TCIRG1: variants seen among roughly 807,000 people sequenced by gnomAD.
TCIRG1 encodes the protein T cell immune regulator 1, ATPase H+ transporting V0 subunit a3.
Under a neutral mutation model 95.5 loss-of-function variants are expected in TCIRG1, and 86 were observed. The ratio of observed to expected loss-of-function variants is 0.90; its 90% CI spans 0.76 to 1.08. The LOEUF is 1.08. Among genes scored for constraint, TCIRG1 ranks in the 50% least tolerant of loss-of-function variants. TCIRG1 has a pLI of 0.00. For missense variants in TCIRG1, 1,069 were observed against 1,140.2 expected, an observed-to-expected ratio of 0.94 and a Z score of 0.90; for synonymous variants, 499 against 501.3, an observed-to-expected ratio of 1.00 and a Z score of 0.06.
At position 68,050,809 on chromosome 11, in the gene TCIRG1, C is replaced by T. The variant is rs780073935; in HGVS notation, c.2483C>T (p.Thr828Ile). ...CTGAGTCCCTTCACCTTCGCTGCCA[C>T]AGATGACTAGGGCCCACTGCAGGTC... The part of the protein sequence containing the change: ...YKLSPFTFAA[T>I]DD Residue 828 changes from threonine to isoleucine, a missense_variant, in exon 20 of 20, where the codon ACA becomes ATA. Coordinates refer to ENST00000265686, the MANE Select transcript of TCIRG1 (RefSeq NM_006019.4). The T allele has an allele frequency of 1.2e-6, 2 of 1,613,520 alleles. No individual in the cohort carries two copies. Among genetic ancestry groups the T allele is most frequent in the Admixed American group, 1.7e-5 (1 of 60,032 alleles).
At chr11:68,053,627 A>G (rs1225058816), downstream of TCIRG1, 1 of 223,898 alleles carries the variant, frequency 4.5e-6, no homozygotes, top group Admixed American at 5.5e-5. Flanking sequence ...ATTTAAATCA[A>G]CATTAACCAA....
intron 1 of TCIRG1, among the ~76,000 whole-genome samples, chr11:68,040,298 G>A (rs1039891619): frequency 1.3e-5 from 2 of 152,212 alleles, no homozygotes; most frequent in Non-Finnish European, 2.9e-5. Context: ...CCCTGTGGCC[G>A]GGCCTGGTCC....
intron 13 of TCIRG1, among the ~76,000 whole-genome samples, chr11:68,048,494 A>G (rs1174093338): frequency 1.3e-5 from 2 of 152,066 alleles, no homozygotes; most frequent in African/African-American, 4.8e-5. Flanking sequence ...GGGTTTCACC[A>G]TGTTGGCTAG....
At chr11:68,041,995 G>A (rs1855191696) in intron 3 of TCIRG1, among the ~76,000 whole-genome samples, 164 bp downstream of exon 3, 1 of 152,238 alleles carries the variant, frequency 6.6e-6, no homozygotes, top group South Asian at 2.1e-4. Flanking sequence ...TCTGTGAAGT[G>A]TGCTTGCGAA....
chr11:68,050,739 A>G lies in TCIRG1; in HGVS notation c.2415-2A>G, dbSNP rs1555000376. The G allele has an allele frequency of 1.2e-6, 2 of 1,613,876 alleles. No individual in the cohort carries two copies. The highest frequency in any genetic ancestry group is 1.7e-6 in the Non-Finnish European group (2 of 1,180,018). ...ACCAACCCCTCTGCTTCTCACCCCC[A>G]GGGTGGAATTCCAGAACAAGTTCTA... On this transcript the variant is annotated splice_acceptor_variant, in intron 19 of 19. Transcript: ENST00000265686. LOFTEE classifies it high-confidence loss of function.
At chr11:68,040,692 T>G (rs1855115155) in intron 1 of TCIRG1, among the ~76,000 whole-genome samples, 1 of 152,164 alleles carries the variant, frequency 6.6e-6, no homozygotes, top group South Asian at 2.1e-4. Flanking sequence ...ATTCTGTAGT[T>G]TCACTTTTGT....
At chr11:68,050,275 C>A in intron 18 of TCIRG1, 21 bp downstream of exon 18, 1 of 1,607,054 alleles carries the variant, frequency 6.2e-7, no homozygotes, top group African/African-American at 1.3e-5. Context: ...TGGCCACCGA[C>A]GGCTGGCCCC....
chr11:68,053,414 C>T (rs770521460), downstream of TCIRG1: 152 of 153,288 alleles, frequency 9.9e-4, no homozygotes, highest in Middle Eastern at 0.01. Flanking sequence ...CCAGAGCAAT[C>T]CGCTGCTCCA....
At chr11:68,040,700 T>C (rs1406906567) in intron 1 of TCIRG1, among the ~76,000 whole-genome samples, 3 of 152,214 alleles carry the variant, frequency 2.0e-5, no homozygotes, top group Non-Finnish European at 4.4e-5. Flanking sequence ...GTTTCACTTT[T>C]GTTGGTTTCA....
At position 68,042,679 on chromosome 11, in the gene TCIRG1, T is replaced by C. The variant is rs1293665875; in HGVS notation, c.233T>C (p.Val78Ala). ...LQEEVRRAGL[V>A]LPPPKGRLPA... is the part of the protein sequence containing the mutation. The stretch of plus-strand genomic sequence containing the variant: ...GAGGAGGTGCGGCGGGCTGGGCTGG[T>C]CCTGCCCCCGCCAAAGGGGAGGCTG... Residue 78 changes from valine to alanine, a missense_variant, in exon 4 of 20, where the codon GTC becomes GCC. Val to Ala is a moderately conservative substitution (Grantham distance 64, BLOSUM62 0). Transcript: ENST00000265686. 1 of 1,546,320 alleles carries C rather than the reference T, an allele frequency of 6.5e-7. No homozygotes were observed. Among genetic ancestry groups the C allele is most frequent in the East Asian group, 2.4e-5 (1 of 40,868 alleles).
chr11:68,044,682 C>T (rs569144258), intron 9 of TCIRG1: 1 of 593,980 alleles, frequency 1.7e-6, no homozygotes, highest in African/African-American at 1.9e-5. Context: ...ACCCGCCGCG[C>T]ACAGCAGGTG....
chr11:68,041,979 C>A, intron 3 of TCIRG1, 148 bp downstream of exon 3: 1 of 773,578 alleles, frequency 1.3e-6, no homozygotes, highest in South Asian at 1.5e-5. Context: ...GACAGAGCAG[C>A]TGGGATCTGT....
intron 1 of TCIRG1, 82 bp from the exon 2 acceptor site, chr11:68,041,186 T>A: frequency 3.3e-6 from 3 of 912,450 alleles, no homozygotes. Flanking sequence ...CAGGATTCAG[T>A]GAGTGAAGGT....
chr11:68,041,902 G>A (rs1431326609), intron 3 of TCIRG1, 71 bp downstream of exon 3: 8 of 1,408,300 alleles, frequency 5.7e-6, no homozygotes, highest in Middle Eastern at 1.7e-4. Context: ...TGATCTGAAA[G>A]GAAGAGTCTG....
chr11:68,049,317 C>T (rs761804016), intron 15 of TCIRG1, 23 bp downstream of exon 15: 47 of 1,594,558 alleles, frequency 2.9e-5, no homozygotes, highest in South Asian at 1.9e-4. Flanking sequence ...TGGTGGGGGC[C>T]GGGCTCACAC....
At position 68,041,472 on chromosome 11, in the gene TCIRG1, C is replaced by G. The variant is rs570336235; in HGVS notation, c.117+84C>G. Reference sequence around the variant, plus strand: ...GTCCAGGATGGGGACTGCCCCCCCTCCGCCATAGGGCCCTGGCCCCATTTG... The same window carrying G: ...GTCCAGGATGGGGACTGCCCCCCCTGCGCCATAGGGCCCTGGCCCCATTTG... On this transcript the variant is annotated intron_variant, in intron 2 of 19. Coordinates refer to ENST00000265686, the MANE Select transcript of TCIRG1 (RefSeq NM_006019.4). The G allele has an allele frequency of 4.4e-5, 45 of 1,018,560 alleles. No individual in the cohort carries two copies. The East Asian group carries it at 8.4e-4, about 19-fold the overall frequency. The allele number at this position is 1,018,560 out of a possible 1,614,324, so 63.1% of individuals were successfully genotyped here.
intron 2 of TCIRG1, 27 bp from the exon 3 acceptor site, chr11:68,041,726 A>G (rs1384266290): frequency 6.3e-7 from 1 of 1,592,492 alleles, no homozygotes; most frequent in Middle Eastern, 2.0e-4. Flanking sequence ...TTCCCGGGAC[A>G]CTCACCCCTC....
At chr11:68,051,351 A>G (rs1397816750), downstream of TCIRG1, among the ~76,000 whole-genome samples, 2 of 152,178 alleles carry the variant, frequency 1.3e-5, no homozygotes, top group African/African-American at 4.8e-5. Context: ...AGCAGCAGAC[A>G]TTACCCAGGA....
chr11:68,041,439 G>A lies in TCIRG1; in HGVS notation c.117+51G>A, dbSNP rs370255672. ...AGGGGGCTACTGCCAAGGTTAGCCCGGAGGCCGGTCCAGGATGGGGACTGC... is the reference window on the plus strand; with the variant it reads ...AGGGGGCTACTGCCAAGGTTAGCCCAGAGGCCGGTCCAGGATGGGGACTGC... On this transcript the variant is annotated intron_variant, in intron 2 of 19. Coordinates refer to ENST00000265686, the MANE Select transcript of TCIRG1 (RefSeq NM_006019.4). 7.1e-4 allele frequency: 972 copies of A among 1,362,884 alleles called. 2 individuals carry two copies. In the African/African-American group the frequency reaches 7.1e-3, roughly 10 times the overall value. 84.4% of individuals were successfully genotyped at this position (1,362,884 alleles called of 1,614,324 possible).
Sources: gnomAD v4.1 joint callset for allele counts (sites outside exome capture counted in the v4.1 genomes callset) on GRCh38, gnomAD v4.1.1 for gene constraint, MANE v1.5 for transcripts, NCBI Gene and HGNC (gene_info 2026-07-23, HGNC 2026-07-21) for gene names.